RBBP8: variants seen among roughly 807,000 people sequenced by gnomAD.
The protein encoded by RBBP8 is RB binding protein 8, endonuclease, also known as DNA endonuclease RBBP8.
A neutral mutation model predicts 108.3 loss-of-function variants in RBBP8; 88 were observed. That is an observed-to-expected ratio of 0.81 (90% CI 0.68 to 0.97). The LOEUF (loss-of-function observed/expected upper bound fraction) is 0.97, where lower values mean the gene tolerates loss of function less well. Ranked by LOEUF, RBBP8 falls within the 50% of genes least tolerant of loss-of-function variation. The probability of loss-of-function intolerance (pLI) is 0.00; values close to 1 mark genes in which losing one functional copy is unlikely to be tolerated. For missense variants in RBBP8, 1,023 were observed against 1,049.0 expected (o/e 0.98, Z 0.34); for synonymous variants, 332 against 348.2 (o/e 0.95, Z 0.52).
chr18:22,919,955 A>G (rs1390814452), intron 3 of RBBP8, among the ~76,000 whole-genome samples: 1 of 152,208 alleles, frequency 6.6e-6, no homozygotes, highest in Admixed American at 6.5e-5. Context: ...ATTTACTTTT[A>G]AATGTTTACA....
At position 22,963,893 on chromosome 18, in the gene RBBP8, T is replaced by C. The variant is rs114407169; in HGVS notation, c.249-4913T>C. Among the ~76,000 whole-genome samples the C allele has an allele frequency of 2.6e-3, 390 of 152,120 alleles. 1 individual carries two copies. The highest frequency in any genetic ancestry group is 9.0e-3 in the African/African-American group (372 of 41,510). On this transcript the variant is annotated intron_variant, in intron 4 of 18. Coordinates refer to ENST00000327155, the MANE Select transcript of RBBP8 (RefSeq NM_002894.3). ...CTCTCACTACCATTTTGAGACCTTG[T>C]CTCAAAAAAAGAGTACCATTGTCAT... is the stretch of plus-strand genomic sequence containing the variant.
intron 3 of RBBP8, among the ~76,000 whole-genome samples, chr18:22,927,649 T>C (rs559986579): frequency 6.6e-6 from 1 of 152,302 alleles, no homozygotes; most frequent in African/African-American, 2.4e-5. Context: ...AATTTTTATA[T>C]TGATTACATG....
In RBBP8 at chr18:22,955,905, C is replaced by T. The variant is rs1034698025; in HGVS notation, c.248+6192C>T. Among the ~76,000 whole-genome samples the T allele has an allele frequency of 2.0e-5, 3 of 152,050 alleles. No homozygotes were observed. In the South Asian group the frequency reaches 6.2e-4, roughly 32 times the overall value. On this transcript the variant is annotated intron_variant, in intron 4 of 18. Coordinates refer to ENST00000327155, the MANE Select transcript of RBBP8 (RefSeq NM_002894.3). Reference sequence around the variant, plus strand: ...AGGTTTATATCTTAAATCTGATCCCCGCTTCCATTTTTACTATTTCATGAT... The same window carrying T: ...AGGTTTATATCTTAAATCTGATCCCTGCTTCCATTTTTACTATTTCATGAT...
intron 16 of RBBP8, among the ~76,000 whole-genome samples, chr18:23,011,902 C>T (rs1328694581): frequency 6.6e-6 from 1 of 152,020 alleles, no homozygotes; most frequent in Non-Finnish European, 1.5e-5. Flanking sequence ...GACACAACAA[C>T]ATTGAAATTA....
chr18:23,022,666 A>ATAAAAT (rs2046387220), intron 18 of RBBP8, among the ~76,000 whole-genome samples: 3 of 142,486 alleles, frequency 2.1e-5, no homozygotes, highest in Non-Finnish European at 4.5e-5. Context: ...AATAAAATAA[A>ATAAAAT]ATAAATAACT....
intron 3 of RBBP8, among the ~76,000 whole-genome samples, chr18:22,917,698 G>A (rs931128632): frequency 2.0e-5 from 3 of 152,064 alleles, no homozygotes; most frequent in African/African-American, 4.8e-5. Flanking sequence ...AATCTTGGAA[G>A]GCATTAAGAT....
intron 2 of RBBP8, among the ~76,000 whole-genome samples, chr18:22,916,380 A>C (rs1489686290): frequency 6.6e-6 from 1 of 152,070 alleles, no homozygotes; most frequent in Non-Finnish European, 1.5e-5. Context: ...TTTTTGAGTT[A>C]AGAAATGAAA....
chr18:22,957,291 CTTT>C (rs11418623), intron 4 of RBBP8, among the ~76,000 whole-genome samples: 1 of 92,842 alleles, frequency 1.1e-5, no homozygotes, highest in South Asian at 3.8e-4. Flanking sequence ...ATTACTTTTT[CTTT>C]TTTTTTTTTT....
chr18:22,917,445 C>A (rs909627681), intron 3 of RBBP8, among the ~76,000 whole-genome samples: 5 of 152,202 alleles, frequency 3.3e-5, no homozygotes, highest in Non-Finnish European at 7.3e-5. Context: ...TAATACCATT[C>A]TTTCAGAGTT....
At chr18:22,939,879 G>C (rs1381724935) in intron 2 of RBBP8, among the ~76,000 whole-genome samples, 5 of 152,168 alleles carry the variant, frequency 3.3e-5, no homozygotes, top group Non-Finnish European at 7.3e-5. Context: ...GACCAGGCTT[G>C]ATAATTAAGT....
chr18:22,978,369 A>C (rs1914638376), intron 6 of RBBP8, among the ~76,000 whole-genome samples: 1 of 152,274 alleles, frequency 6.6e-6, no homozygotes. Context: ...TCTTTCTCTC[A>C]GAAAATCAGT....
chr18:23,026,281 C>T lies in RBBP8; in HGVS notation c.*41C>T. The T allele has an allele frequency of 6.6e-7, 1 of 1,524,900 alleles. No homozygotes were observed. The highest frequency in any genetic ancestry group is 9.1e-7 in the Non-Finnish European group (1 of 1,101,516). The allele number at this position is 1,524,900 out of a possible 1,614,324, so 94.5% of individuals were successfully genotyped here. On this transcript the variant is annotated 3_prime_UTR_variant, in exon 19 of 19. Coordinates refer to ENST00000327155, the MANE Select transcript of RBBP8 (RefSeq NM_002894.3). ...CAGAAGGATGAAGGACAGTTTTTTC[C>T]TTCTTAGTTATTTATAGTTAAAGTT...
At chr18:22,952,788 A>C (rs1912155122) in intron 4 of RBBP8, among the ~76,000 whole-genome samples, 2 of 152,162 alleles carry the variant, frequency 1.3e-5, no homozygotes, top group Admixed American at 1.3e-4. Flanking sequence ...TTCAGGGAAC[A>C]TATCTCTCTC....
intron 2 of RBBP8, among the ~76,000 whole-genome samples, chr18:22,916,108 C>T (rs1170046885): frequency 6.6e-6 from 1 of 151,964 alleles, no homozygotes; most frequent in African/African-American, 2.4e-5. Flanking sequence ...TTTATACAGA[C>T]CAACATACTT....
In RBBP8 at chr18:22,992,855, A is replaced by G. The variant is rs750925333; in HGVS notation, c.1028A>G (p.Asn343Ser). ...AGTATCAAAAGTGGTTTAGATTTGA[A>G]TACAAGTTTGTCCCCTTCTCTTTTA... is the stretch of plus-strand genomic sequence containing the variant. ...TSSIKSGLDL[N>S]TSLSPSLLQP... is the part of the protein sequence containing the mutation. Residue 343 changes from asparagine (N) to serine (S), a missense_variant, in exon 11 of 19, where the codon AAT becomes AGT. Asn to Ser is a conservative substitution (Grantham distance 46). Transcript: ENST00000327155. The G allele has an allele frequency of 7.4e-6, 12 of 1,613,770 alleles. No individual in the cohort carries two copies. The highest frequency in any genetic ancestry group is 1.0e-5 in the Non-Finnish European group (12 of 1,179,840).
At chr18:22,952,846 C>T (rs1482710947) in intron 4 of RBBP8, among the ~76,000 whole-genome samples, 8 of 152,172 alleles carry the variant, frequency 5.3e-5, no homozygotes, top group African/African-American at 1.7e-4. Flanking sequence ...TATTTCACCA[C>T]GTTTTTTCTC....
At chr18:22,960,388 A>G (rs1214756427) in intron 4 of RBBP8, among the ~76,000 whole-genome samples, 3 of 152,258 alleles carry the variant, frequency 2.0e-5, no homozygotes, top group African/African-American at 7.2e-5. Flanking sequence ...CTGTCTCTAA[A>G]AGTACAAAAT....
rs767832088 is a variant in RBBP8, at chr18:22,971,755, C to T, written c.361+2837C>T. On this transcript the variant is annotated intron_variant, in intron 5 of 18. Transcript: ENST00000327155. ...CTGCCTTCCAGGTTCAAGCAGTTCTCCTGCCTCAACCTCCCAAGTAGCTGG... is the reference window on the plus strand; with the variant it reads ...CTGCCTTCCAGGTTCAAGCAGTTCTTCTGCCTCAACCTCCCAAGTAGCTGG... Among the ~76,000 whole-genome samples, 46 of 149,436 alleles carry T rather than the reference C, an allele frequency of 3.1e-4. 1 individual carries two copies. The highest frequency in any genetic ancestry group is 6.5e-4 in the Non-Finnish European group (44 of 67,696).
chr18:23,022,645 A>ATAAAATAAATAAAG (rs1568010293), intron 18 of RBBP8, among the ~76,000 whole-genome samples: 9 of 45,072 alleles, frequency 2.0e-4, no homozygotes, highest in African/African-American at 4.6e-4. Flanking sequence ...AATAAATAAA[A>ATAAAATAAATAAAG]TACAATATAA....
Sources: gnomAD v4.1 joint callset for allele counts (sites outside exome capture counted in the v4.1 genomes callset) on GRCh38, gnomAD v4.1.1 for gene constraint, MANE v1.5 for transcripts, NCBI Gene and HGNC (gene_info 2026-07-23, HGNC 2026-07-21) for gene names.